The following KCNH5 variants were observed in gnomAD, a reference collection of about 807,000 sequenced individuals.
KCNH5 encodes the protein potassium voltage-gated channel subfamily H member 5.
A neutral mutation model predicts 96.1 loss-of-function variants in KCNH5; 46 were observed. The observed-to-expected ratio is 0.48, with a 90% CI of 0.38 to 0.61. The LOEUF (loss-of-function observed/expected upper bound fraction) is 0.61, where lower values mean the gene tolerates loss of function less well. Ranked by LOEUF, KCNH5 falls within the 20% of genes least tolerant of loss-of-function variation. The pLI, the probability that KCNH5 is intolerant of heterozygous loss-of-function variation, is 0.00. For synonymous variants in KCNH5, 439 were observed against 449.8 expected, an observed-to-expected ratio of 0.98 and a Z score of 0.30; for missense variants, 907 against 1,225.8, an observed-to-expected ratio of 0.74 and a Z score of 3.88.
chr14:62,813,576 T>C (rs1360018377), intron 8 of KCNH5, among the ~76,000 whole-genome samples: 1 of 152,204 alleles, frequency 6.6e-6, no homozygotes, highest in African/African-American at 2.4e-5. Flanking sequence ...AGTTAAATGA[T>C]CCCTCTATTT....
rs189031002 is a variant in KCNH5, at chr14:62,834,345, G to A, written c.1569+15308C>T. 3.1e-4 allele frequency among the ~76,000 whole-genome samples: 47 copies of A among 151,916 alleles called. 1 individual carries two copies. In the South Asian group the frequency reaches 3.3e-3, roughly 11 times the overall value. On this transcript the variant is annotated intron_variant, in intron 8 of 10. Transcript: ENST00000322893. ...TTCTGAACTCCAGAATTACATTCAC[G>A]GATATAATAAATATTTATTGAACAC...
At chr14:62,757,681 T>C (rs922816274) in intron 10 of KCNH5, among the ~76,000 whole-genome samples, 8 of 151,044 alleles carry the variant, frequency 5.3e-5, no homozygotes, top group Admixed American at 1.3e-4. Context: ...GAACTCATTA[T>C]GTTACGTGAA....
chr14:62,943,624 T>A (rs1490789588), intron 7 of KCNH5, among the ~76,000 whole-genome samples: 3 of 152,150 alleles, frequency 2.0e-5, no homozygotes, highest in Admixed American at 6.6e-5. Flanking sequence ...CTACAAGTGC[T>A]GCAAAAATAT....
At chr14:62,881,042 A>G (rs116592626) in intron 7 of KCNH5, among the ~76,000 whole-genome samples, 2,344 of 152,300 alleles carry the variant, frequency 0.015, 60 homozygotes, top group African/African-American at 0.053. Flanking sequence ...TAAATCGGTC[A>G]CTTTTCAATC....
chr14:62,951,092 G>C (rs746232444), intron 6 of KCNH5, among the ~76,000 whole-genome samples: 3 of 152,126 alleles, frequency 2.0e-5, no homozygotes, highest in Non-Finnish European at 4.4e-5. Flanking sequence ...AAATACCATT[G>C]TTGGCCCCAC....
chr14:62,934,553 A>T (rs1460615480), intron 7 of KCNH5, among the ~76,000 whole-genome samples: 1 of 152,152 alleles, frequency 6.6e-6, no homozygotes, highest in African/African-American at 2.4e-5. Context: ...AGGATGAGGG[A>T]CACACAGGTG....
intron 9 of KCNH5, among the ~76,000 whole-genome samples, chr14:62,789,125 A>G (rs1886379055): frequency 6.6e-6 from 1 of 151,934 alleles, no homozygotes; most frequent in Admixed American, 6.6e-5. Flanking sequence ...TTTATTCTCT[A>G]TCTTTGTATA....
chr14:62,929,701 C>T (rs1302288831), intron 7 of KCNH5, among the ~76,000 whole-genome samples: 1 of 151,968 alleles, frequency 6.6e-6, no homozygotes, highest in Admixed American at 6.6e-5. Flanking sequence ...CAACTTTTAT[C>T]TTACATACAG....
At chr14:62,964,916 ATC>A (rs1890277162) in intron 6 of KCNH5, among the ~76,000 whole-genome samples, 1 of 151,982 alleles carries the variant, frequency 6.6e-6, no homozygotes, top group African/African-American at 2.4e-5. Context: ...TAGTGCAAAA[ATC>A]TCTCTCTACT....
chr14:62,702,179 C>T lies in KCNH5; in HGVS notation c.*5329G>A, dbSNP rs1323889652. The T allele has an allele frequency of 6.6e-6, 1 of 152,030 alleles. No homozygotes were observed. Among genetic ancestry groups the T allele is most frequent in the Non-Finnish European group, 1.5e-5 (1 of 67,936 alleles). The allele number at this position is 152,030 out of a possible 1,614,324, so 9.4% of individuals were successfully genotyped here. A position where few individuals can be genotyped will look rare whatever the true frequency, so the allele number is the denominator to read the frequency against. On this transcript the variant is annotated 3_prime_UTR_variant, in exon 11 of 11. Transcript: ENST00000322893. The stretch of plus-strand genomic sequence containing the variant: ...CATATATCAAACATACCACATTTGA[C>T]AGTTTACTTTGGCCGATGTCTTTCA...
At chr14:62,854,188 T>C (rs777512739) in intron 7 of KCNH5, among the ~76,000 whole-genome samples, 2 of 152,094 alleles carry the variant, frequency 1.3e-5, no homozygotes, top group African/African-American at 2.4e-5. Flanking sequence ...TATTCATTTA[T>C]TATCCATCTT....
intron 2 of KCNH5, among the ~76,000 whole-genome samples, chr14:63,010,772 C>G (rs1460261896): frequency 6.6e-6 from 1 of 152,178 alleles, no homozygotes; most frequent in Non-Finnish European, 1.5e-5. Flanking sequence ...ATCTCACGAA[C>G]AAGCCTCATT....
At chr14:62,924,975 T>A (rs1162851205) in intron 7 of KCNH5, among the ~76,000 whole-genome samples, 1 of 151,982 alleles carries the variant, frequency 6.6e-6, no homozygotes, top group East Asian at 1.9e-4. Context: ...CACATAAACA[T>A]AAAAGGTAAC....
At chr14:62,912,565 C>T (rs1292057711) in intron 7 of KCNH5, among the ~76,000 whole-genome samples, 2 of 152,084 alleles carry the variant, frequency 1.3e-5, no homozygotes, top group African/African-American at 2.4e-5. Context: ...CGCCACCACA[C>T]CCAGCTATTT....
chr14:63,022,490 TATC>T (rs1386925479), intron 1 of KCNH5, among the ~76,000 whole-genome samples: 1 of 152,156 alleles, frequency 6.6e-6, no homozygotes, highest in Non-Finnish European at 1.5e-5. Context: ...ACTAAAATTG[TATC>T]ATGTTTCCTC....
At chr14:62,890,161 G>A (rs570965807) in intron 7 of KCNH5, among the ~76,000 whole-genome samples, 2 of 152,136 alleles carry the variant, frequency 1.3e-5, no homozygotes, top group Non-Finnish European at 2.9e-5. Flanking sequence ...CATCCTGGAC[G>A]TAGGAATGGG....
At chr14:62,740,470 T>G (rs1595601531) in intron 10 of KCNH5, among the ~76,000 whole-genome samples, 2 of 152,252 alleles carry the variant, frequency 1.3e-5, no homozygotes, top group East Asian at 3.9e-4. Flanking sequence ...CATTTTGCTC[T>G]CCTGCTGATT....
intron 9 of KCNH5, among the ~76,000 whole-genome samples, chr14:62,792,587 C>T (rs1457595846): frequency 1.3e-5 from 2 of 151,648 alleles, no homozygotes; most frequent in Non-Finnish European, 3.0e-5. Flanking sequence ...AAATCAATTA[C>T]ATCTTGAAAC....
At chr14:62,727,200 A>C (rs865857410) in intron 10 of KCNH5, among the ~76,000 whole-genome samples, 1 of 152,116 alleles carries the variant, frequency 6.6e-6, no homozygotes, top group African/African-American at 2.4e-5. Context: ...CCCCGTCTCT[A>C]CTAAAAATAC....
Sources: gnomAD v4.1 joint callset for allele counts (sites outside exome capture counted in the v4.1 genomes callset) on GRCh38, gnomAD v4.1.1 for gene constraint, MANE v1.5 for transcripts, NCBI Gene and HGNC (gene_info 2026-07-23, HGNC 2026-07-21) for gene names.